GLIS3: variants seen among roughly 807,000 people sequenced by gnomAD.
GLIS3 encodes the protein GLIS family zinc finger 3, also known as zinc finger protein GLIS3.
Under a neutral mutation model 78.6 loss-of-function variants are expected in GLIS3, and 53 were observed. The ratio of observed to expected loss-of-function variants is 0.67; its 90% CI spans 0.54 to 0.85. The LOEUF (loss-of-function observed/expected upper bound fraction) is 0.85, where lower values mean the gene tolerates loss of function less well. Among genes scored for constraint, GLIS3 ranks in the 40% least tolerant of loss-of-function variants. The pLI, the probability that GLIS3 is intolerant of heterozygous loss-of-function variation, is 0.00. For synonymous variants in GLIS3, 684 were observed against 509.9 expected (o/e 1.34, Z -4.60); for missense variants, 1,703 against 1,231.1 (o/e 1.38, Z -5.74).
intron 2 of GLIS3, among the ~76,000 whole-genome samples, chr9:4,195,309 G>T (rs1166603280): frequency 6.6e-6 from 1 of 152,188 alleles, no homozygotes; most frequent in African/African-American, 2.4e-5. Context: ...GAGAGGCGCG[G>T]GTGGGAACTG....
intron 4 of GLIS3, among the ~76,000 whole-genome samples, chr9:4,029,125 C>T (rs1046188513): frequency 2.0e-5 from 3 of 151,966 alleles, no homozygotes; most frequent in African/African-American, 7.2e-5. Flanking sequence ...TAATTTCCTC[C>T]AAAATACATT....
At chr9:4,041,904 C>T (rs981310363) in intron 4 of GLIS3, among the ~76,000 whole-genome samples, 1 of 152,142 alleles carries the variant, frequency 6.6e-6, no homozygotes, top group African/African-American at 2.4e-5. Flanking sequence ...CAGGTGTACT[C>T]TTATGCCCAA....
intron 4 of GLIS3, chr9:4,071,195 G>A (rs1215422590): frequency 6.6e-6 from 1 of 152,210 alleles, no homozygotes; most frequent in Non-Finnish European, 1.5e-5. Context: ...AATGCCTATA[G>A]ACACATTTCA....
chr9:4,411,770 A>G, the GLIS3 span, among the ~76,000 whole-genome samples: 1 of 152,222 alleles, frequency 6.6e-6, no homozygotes, highest in Non-Finnish European at 1.5e-5. Context: ...ACCATCCACC[A>G]CAGTCTTATG....
At chr9:4,301,772 G>T (rs187896367), upstream of GLIS3, among the ~76,000 whole-genome samples, 10 of 152,190 alleles carry the variant, frequency 6.6e-5, no homozygotes, top group East Asian at 1.9e-3. Flanking sequence ...TTAGCTGGAA[G>T]AGAAAAAAAT....
chr9:4,293,485 C>T (rs1489822607), intron 1 of GLIS3, among the ~76,000 whole-genome samples: 2 of 152,184 alleles, frequency 1.3e-5, no homozygotes, highest in Admixed American at 6.5e-5. Flanking sequence ...ACCAACATGA[C>T]AACATATTTA....
chr9:3,951,285 G>A (rs530454405), intron 4 of GLIS3, among the ~76,000 whole-genome samples: 6 of 152,024 alleles, frequency 3.9e-5, no homozygotes, highest in Admixed American at 1.3e-4. Context: ...AGACGTGGTA[G>A]TAAAGCAACT....
the GLIS3 span, among the ~76,000 whole-genome samples, chr9:4,413,710 G>T: frequency 6.6e-6 from 1 of 151,940 alleles, no homozygotes; most frequent in African/African-American, 2.4e-5. Flanking sequence ...CTAACACGGG[G>T]GACTCATTTG....
chr9:4,326,681 T>C (rs1200446082), intron 2 of GLIS3, among the ~76,000 whole-genome samples: 4 of 152,090 alleles, frequency 2.6e-5, no homozygotes, highest in Non-Finnish European at 4.4e-5. Context: ...AAAAGTAGTT[T>C]GAATAGTAAA....
At chr9:4,354,421 G>T in the GLIS3 span, among the ~76,000 whole-genome samples, 579 of 152,160 alleles carry the variant, frequency 3.8e-3, 5 homozygotes, top group African/African-American at 0.013. Context: ...TGAGTGAGTG[G>T]GTGATTATTT....
intron 2 of GLIS3, among the ~76,000 whole-genome samples, chr9:4,140,299 G>T (rs1238484368): frequency 6.6e-6 from 1 of 152,128 alleles, no homozygotes; most frequent in African/African-American, 2.4e-5. Flanking sequence ...ACTCCAGCCT[G>T]GGTGACAAAG....
chr9:4,107,855 T>C (rs1030023493), intron 4 of GLIS3, among the ~76,000 whole-genome samples: 5 of 152,196 alleles, frequency 3.3e-5, no homozygotes, highest in Non-Finnish European at 7.4e-5. Flanking sequence ...TATTTCTTTA[T>C]TTTTAACATT....
At chr9:4,143,057 A>C (rs1422448988) in intron 2 of GLIS3, among the ~76,000 whole-genome samples, 1 of 152,120 alleles carries the variant, frequency 6.6e-6, no homozygotes, top group East Asian at 1.9e-4. Flanking sequence ...AGAAAAAAAG[A>C]ATAAAGATAT....
At chr9:4,083,548 T>G (rs765887039) in intron 4 of GLIS3, among the ~76,000 whole-genome samples, 41 of 152,354 alleles carry the variant, frequency 2.7e-4, no homozygotes, top group African/African-American at 9.9e-4. Flanking sequence ...GAAACATTAA[T>G]TTACTTTCCA....
At chr9:3,983,049 C>A (rs1819432067) in intron 4 of GLIS3, among the ~76,000 whole-genome samples, 1 of 152,144 alleles carries the variant, frequency 6.6e-6, no homozygotes, top group African/African-American at 2.4e-5. Flanking sequence ...TTGGCTGTGT[C>A]CCCACCCAAA....
chr9:3,988,626 A>T (rs745771065), intron 4 of GLIS3, among the ~76,000 whole-genome samples: 115 of 152,318 alleles, frequency 7.5e-4, no homozygotes, highest in Admixed American at 3.3e-3. Flanking sequence ...CTGATATTTG[A>T]CAAAGATGCA....
chr9:4,066,738 G>C (rs1827131924), intron 4 of GLIS3, among the ~76,000 whole-genome samples: 1 of 152,236 alleles, frequency 6.6e-6, no homozygotes, highest in Non-Finnish European at 1.5e-5. Flanking sequence ...AATAAAGGAA[G>C]CTAGAGAGAC....
At chr9:4,027,576 C>T (rs1823451253) in intron 4 of GLIS3, among the ~76,000 whole-genome samples, 1 of 152,166 alleles carries the variant, frequency 6.6e-6, no homozygotes, top group Admixed American at 6.5e-5. Flanking sequence ...TAATTTAAAT[C>T]TGAGCCTGGA....
chr9:4,163,900 C>T (rs1312529406), intron 2 of GLIS3, among the ~76,000 whole-genome samples: 1 of 152,138 alleles, frequency 6.6e-6, no homozygotes, highest in Non-Finnish European at 1.5e-5. Flanking sequence ...ATGAGTAAGG[C>T]CAGTGCTTTT....
Sources: allele counts gnomAD v4.1 joint callset (sites outside exome capture counted in the v4.1 genomes callset), GRCh38; gene constraint gnomAD v4.1.1; transcripts MANE v1.5; gene names NCBI Gene and HGNC (gene_info 2026-07-23, HGNC 2026-07-21).